The following ZIC1 variants were observed in gnomAD, a reference collection of about 807,000 sequenced individuals.
The protein encoded by ZIC1 is zinc finger protein ZIC 1.
A neutral mutation model predicts 30.9 loss-of-function variants in ZIC1; 4 were observed. The ratio of observed to expected loss-of-function variants is 0.13; its 90% confidence interval spans 0.06 to 0.30. The LOEUF is 0.30. Among genes scored for constraint, ZIC1 ranks in the 10% least tolerant of loss-of-function variants. The probability of loss-of-function intolerance (pLI) is 1.00; values close to 1 mark genes in which losing one functional copy is unlikely to be tolerated. For missense variants in ZIC1, 441 were observed against 639.3 expected (o/e 0.69, Z 3.34); for synonymous variants, 305 against 277.5 (o/e 1.10, Z -0.98).
chr3:147,413,201 A>G (rs914448438), intron 2 of ZIC1, among the ~76,000 whole-genome samples, 153 bp from the exon 3 acceptor site: 9 of 152,194 alleles, frequency 5.9e-5, no homozygotes, highest in African/African-American at 2.2e-4. Context: ...GCCTGTGCAG[A>G]GAAACCAAGC....
chr3:147,412,761 G>C, intron 2 of ZIC1, 80 bp downstream of exon 2: 2 of 1,537,370 alleles, frequency 1.3e-6, no homozygotes, highest in East Asian at 2.3e-5. Flanking sequence ...GCGAGTGGCA[G>C]ACAGGCGGTG....
At position 147,415,218 on chromosome 3, in the gene ZIC1, A is replaced by G. The variant is rs960188921; in HGVS notation, c.*1667A>G. On this transcript the variant is annotated 3_prime_UTR_variant, in exon 3 of 3. Coordinates refer to ENST00000282928, the MANE Select transcript of ZIC1 (RefSeq NM_003412.4). ...TATTAGTTCTCTCAAAAATACATCT[A>G]GGGAAGAGGATTATTTTAAGTAATT... 2.0e-5 allele frequency: 3 copies of G among 152,680 alleles called. No individual in the cohort carries two copies. The highest frequency in any genetic ancestry group is 7.2e-5 in the African/African-American group (3 of 41,472). 9.5% of individuals were successfully genotyped at this position (152,680 alleles called of 1,614,324 possible). A position where few individuals can be genotyped will look rare whatever the true frequency, so the allele number is the denominator to read the frequency against.
At position 147,410,538 on chromosome 3, in the gene ZIC1, C is replaced by A. The variant is rs112109725; in HGVS notation, c.426C>A (p.Leu142=). 36 of 1,610,214 alleles carry A rather than the reference C, an allele frequency of 2.2e-5. No homozygotes were observed. In the African/African-American group the frequency reaches 4.1e-4, roughly 18 times the overall value. The part of the protein sequence containing the change: ...HGHTDAAGHL[L]FPGLHEQAAG... ...ACACGGACGCCGCGGGCCACCTCCT[C>A]TTCCCCGGGCTTCACGAGCAGGCTG... Residue 142 remains leucine (L), a synonymous_variant, in exon 1 of 3, where the codon CTC becomes CTA. Coordinates refer to ENST00000282928, the MANE Select transcript of ZIC1 (RefSeq NM_003412.4).
In ZIC1 at chr3:147,413,603, C is replaced by T. The variant is rs760011347; in HGVS notation, c.*52C>T. ...CCCTATTTAAGAGACTGATCACACA[C>T]GTATACACAACATTACTGAAAGAAC... is the stretch of plus-strand genomic sequence containing the variant. On this transcript the variant is annotated 3_prime_UTR_variant, in exon 3 of 3. Transcript: ENST00000282928. The T allele has an allele frequency of 1.9e-6, 3 of 1,586,648 alleles. No individual in the cohort carries two copies. Among genetic ancestry groups the T allele is most frequent in the Non-Finnish European group, 2.6e-6 (3 of 1,160,908 alleles).
At position 147,412,698 on chromosome 3, in the gene ZIC1, C is replaced by T. The variant is rs772815134; in HGVS notation, c.1146+17C>T. The stretch of plus-strand genomic sequence containing the variant: ...CACATGAAGGTAATCGCCGCACTCT[C>T]GTCGCCCCCTTTGAGGCAGGAGCTC... On this transcript the variant is annotated intron_variant, in intron 2 of 2. Coordinates refer to ENST00000282928, the MANE Select transcript of ZIC1 (RefSeq NM_003412.4). 1.2e-5 allele frequency: 20 copies of T among 1,600,952 alleles called. No individual in the cohort carries two copies. Among genetic ancestry groups the T allele is most frequent in the Non-Finnish European group, 1.7e-5 (20 of 1,169,962 alleles).
rs2087414348 is a variant in ZIC1 at position 147,414,382 on chromosome 3, C to G, written c.*831C>G. 1 of 152,494 alleles carries G rather than the reference C, an allele frequency of 6.6e-6. No individual in the cohort carries two copies. The highest frequency in any genetic ancestry group is 6.5e-5 in the Admixed American group (1 of 15,274). 9.4% of individuals were successfully genotyped at this position (152,494 alleles called of 1,614,324 possible). ...AACTATAACTGTCCGTTACTTTTGG[C>G]AAAAGATACAACCACATAATGTATA... On this transcript the variant is annotated 3_prime_UTR_variant, in exon 3 of 3. Coordinates refer to ENST00000282928, the MANE Select transcript of ZIC1 (RefSeq NM_003412.4).
At position 147,413,596 on chromosome 3, in the gene ZIC1, T is replaced by C. The variant is rs1403494970; in HGVS notation, c.*45T>C. On this transcript the variant is annotated 3_prime_UTR_variant, in exon 3 of 3. Transcript: ENST00000282928. ...AACAAAACCCTATTTAAGAGACTGA[T>C]CACACACGTATACACAACATTACTG... 1 of 1,604,858 alleles carries C rather than the reference T, an allele frequency of 6.2e-7. No homozygotes were observed. The highest frequency in any genetic ancestry group is 8.5e-7 in the Non-Finnish European group (1 of 1,173,578).
chr3:147,412,770 T>C, intron 2 of ZIC1, 89 bp downstream of exon 2: 1 of 1,510,510 alleles, frequency 6.6e-7, no homozygotes, highest in Non-Finnish European at 9.0e-7. Context: ...AGACAGGCGG[T>C]GGCGGGAGCC....
intron 2 of ZIC1, 70 bp downstream of exon 2, chr3:147,412,751 G>C: frequency 6.4e-7 from 1 of 1,555,318 alleles, no homozygotes; most frequent in Non-Finnish European, 8.7e-7. Flanking sequence ...GGGTCGGGCG[G>C]CGAGTGGCAG....
At chr3:147,411,716 G>A (rs902346689) in intron 1 of ZIC1, among the ~76,000 whole-genome samples, 2 of 152,092 alleles carry the variant, frequency 1.3e-5, no homozygotes, top group African/African-American at 4.8e-5. Flanking sequence ...GAGAAAGTCC[G>A]AGGAAGGCAA....
Position 147,410,912 on chromosome 3 carries a change from G to A in ZIC1, c.800G>A (p.Ser267Asn), listed in dbSNP as rs1280504444. The change falls in exon 1 of 3, where the codon AGT becomes AAT. Residue 267 changes from serine to asparagine, a missense_variant. Ser to Asn is a conservative substitution (Grantham distance 46). Transcript: ENST00000282928. ...GAGCACGTAGGTGGCCCGGAGCAGA[G>A]TAATCACATCTGCTTCTGGGAGGAG... ...TVEHVGGPEQ[S>N]NHICFWEECP... 1.2e-6 allele frequency: 2 copies of A among 1,614,268 alleles called. No individual in the cohort carries two copies. Among genetic ancestry groups the A allele is most frequent in the Admixed American group, 3.3e-5 (2 of 60,034 alleles).
chr3:147,414,049 G>C lies in ZIC1; in HGVS notation c.*498G>C, dbSNP rs1186567584. The C allele has an allele frequency of 7.7e-6, 1 of 129,038 alleles. No individual in the cohort carries two copies. The highest frequency in any genetic ancestry group is 7.8e-5 in the Admixed American group (1 of 12,900). 8.0% of individuals were successfully genotyped at this position (129,038 alleles called of 1,614,324 possible). A position where few individuals can be genotyped will look rare whatever the true frequency, so the allele number is the denominator to read the frequency against. On this transcript the variant is annotated 3_prime_UTR_variant, in exon 3 of 3. Coordinates refer to ENST00000282928, the MANE Select transcript of ZIC1 (RefSeq NM_003412.4). ...GGGAGGGACCGGATGGGCGGGGGGAGGGGGAGGGGGAGGGGTGGGCGGCCG... is the reference window on the plus strand; with the variant it reads ...GGGAGGGACCGGATGGGCGGGGGGACGGGGAGGGGGAGGGGTGGGCGGCCG...
At position 147,409,837 on chromosome 3, in the gene ZIC1, C is replaced by T. The variant is rs1046920769; in HGVS notation, c.-276C>T. 1 of 468,244 alleles carries T rather than the reference C, an allele frequency of 2.1e-6. No homozygotes were observed. Among genetic ancestry groups the T allele is most frequent in the Non-Finnish European group, 3.7e-6 (1 of 267,476 alleles). 29.0% of individuals were successfully genotyped at this position (468,244 alleles called of 1,614,324 possible). On this transcript the variant is annotated 5_prime_UTR_variant, in exon 1 of 3. Coordinates refer to ENST00000282928, the MANE Select transcript of ZIC1 (RefSeq NM_003412.4). ...GACTGAGCGGCGAGAAAGTGCGAGC[C>T]GGGCCGGCAGAATCTGCCTGGCGGG...
Position 147,412,651 on chromosome 3 carries a change from G to A in ZIC1, c.1116G>A (p.Thr372=). 1 of 1,613,484 alleles carries A rather than the reference G, an allele frequency of 6.2e-7. No homozygotes were observed. The highest frequency in any genetic ancestry group is 8.5e-7 in the Non-Finnish European group (1 of 1,179,632). The change falls in exon 2 of 3, where the codon ACG becomes ACA. Residue 372 remains threonine, a synonymous_variant. Transcript: ENST00000282928. ...YLCKMCDKSY[T]HPSSLRKHMK... is the part of the protein sequence containing the mutation. ...GCAAGATGTGCGACAAGTCCTACAC[G>A]CATCCCAGTTCGCTGCGCAAACACA...
rs2087435795 is a variant in ZIC1, at chr3:147,416,488, C to T, written c.*2937C>T. 6.6e-6 allele frequency: 1 copy of T among 152,088 alleles called. No homozygotes were observed. Among genetic ancestry groups the T allele is most frequent in the African/African-American group, 2.4e-5 (1 of 41,422 alleles). 9.4% of individuals were successfully genotyped at this position (152,088 alleles called of 1,614,324 possible). A position where few individuals can be genotyped will look rare whatever the true frequency, so the allele number is the denominator to read the frequency against. ...ACCTGATGCCCCTTTTGCTTTAATA[C>T]CACAGTGTAACAATTAAATATCACA... On this transcript the variant is annotated 3_prime_UTR_variant, in exon 3 of 3. Coordinates refer to ENST00000282928, the MANE Select transcript of ZIC1 (RefSeq NM_003412.4).
chr3:147,413,269 G>A, intron 2 of ZIC1, 85 bp from the exon 3 acceptor site: 1 of 1,469,790 alleles, frequency 6.8e-7, no homozygotes, highest in East Asian at 2.3e-5. Flanking sequence ...GGGTCCAGGA[G>A]GAAGGGCACT....
At position 147,410,525 on chromosome 3, in the gene ZIC1, C is replaced by A. The variant is rs1478245953; in HGVS notation, c.413C>A (p.Ala138Glu). The A allele has an allele frequency of 1.2e-6, 2 of 1,608,896 alleles. No individual in the cohort carries two copies. Among genetic ancestry groups the A allele is most frequent in the Non-Finnish European group, 1.7e-6 (2 of 1,178,992 alleles). Reference sequence around the variant, plus strand: ...GGCCCACACGGCCACACGGACGCCGCGGGCCACCTCCTCTTCCCCGGGCTT... The same window carrying A: ...GGCCCACACGGCCACACGGACGCCGAGGGCCACCTCCTCTTCCCCGGGCTT... Reference protein sequence around the residue: ...FGGPHGHTDAAGHLLFPGLHE... With the variant: ...FGGPHGHTDAEGHLLFPGLHE... The change falls in exon 1 of 3, where the codon GCG becomes GAG. Residue 138 changes from alanine (A) to glutamate (E), a missense_variant. Ala to Glu is a moderately radical substitution (Grantham distance 107). Coordinates refer to ENST00000282928, the MANE Select transcript of ZIC1 (RefSeq NM_003412.4).
At chr3:147,412,083 G>C (rs938131959) in intron 1 of ZIC1, among the ~76,000 whole-genome samples, 2 of 152,052 alleles carry the variant, frequency 1.3e-5, no homozygotes, top group Non-Finnish European at 2.9e-5. Context: ...TGGGTTGGAG[G>C]AGGCGACCAG....
chr3:147,411,200 G>C, intron 1 of ZIC1, 106 bp downstream of exon 1: 1 of 1,472,794 alleles, frequency 6.8e-7, no homozygotes, highest in Non-Finnish European at 9.0e-7. Flanking sequence ...GGGATCCCGG[G>C]CGTCAGGTTC....
Sources: gnomAD v4.1 joint callset for allele counts (sites outside exome capture counted in the v4.1 genomes callset) on GRCh38, gnomAD v4.1.1 for gene constraint, MANE v1.5 for transcripts, NCBI Gene and HGNC (gene_info 2026-07-23, HGNC 2026-07-21) for gene names.